The following SYTL2 variants were observed in gnomAD, a reference collection of about 807,000 sequenced individuals.
SYTL2 encodes the protein synaptotagmin-like protein 2.
A neutral mutation model predicts 198.7 loss-of-function variants in SYTL2; 165 were observed. The ratio of observed to expected loss-of-function variants is 0.83; its 90% confidence interval spans 0.73 to 0.94. The LOEUF is 0.94. Ranked by LOEUF, SYTL2 falls within the 40% of genes least tolerant of loss-of-function variation. The pLI is 0.00. For synonymous variants in SYTL2, 966 were observed against 917.7 expected (o/e 1.05, Z -0.95); for missense variants, 2,835 against 2,582.8 (o/e 1.10, Z -2.12).
intron 1 of SYTL2, among the ~76,000 whole-genome samples, chr11:85,787,103 G>C (rs923445350): frequency 6.6e-6 from 1 of 152,200 alleles, no homozygotes; most frequent in African/African-American, 2.4e-5. Flanking sequence ...GGCCTGGGGA[G>C]AGGATCCGAG....
In SYTL2 at chr11:85,711,492, T is replaced by C. The variant is rs192790627; in HGVS notation, c.5626-260A>G. Among the ~76,000 whole-genome samples the C allele has an allele frequency of 3.2e-4, 49 of 152,314 alleles. 1 individual carries two copies. The highest frequency in any genetic ancestry group is 1.7e-3 in the East Asian group (9 of 5,188). ...ACCTACAAAGTAGTCTTTCCCAAAG[T>C]GCTGCAGAAGACAGCACTATTGTGA... On this transcript the variant is annotated intron_variant, in intron 12 of 19. Transcript: ENST00000359152.
At chr11:85,751,089 A>G (rs2091482941) in intron 2 of SYTL2, among the ~76,000 whole-genome samples, 1 of 152,168 alleles carries the variant, frequency 6.6e-6, no homozygotes, top group African/African-American at 2.4e-5. Flanking sequence ...TGGTCCCTAC[A>G]AAGGCTGATA....
intron 1 of SYTL2, among the ~76,000 whole-genome samples, chr11:85,777,516 G>C (rs1051093438): frequency 2.6e-5 from 4 of 152,086 alleles, no homozygotes; most frequent in Admixed American, 2.6e-4. Flanking sequence ...GAGGCACGAA[G>C]GGAGAGGAGG....
intron 5 of SYTL2, 46 bp downstream of exon 5, chr11:85,737,529 G>T: frequency 1.4e-6 from 2 of 1,455,632 alleles, no homozygotes; most frequent in Non-Finnish European, 9.6e-7. Context: ...AGGAAAAATG[G>T]CATTCCTAAC....
intron 1 of SYTL2, among the ~76,000 whole-genome samples, chr11:85,780,855 G>A (rs1290902519): frequency 1.3e-5 from 2 of 152,218 alleles, no homozygotes; most frequent in Non-Finnish European, 2.9e-5. Flanking sequence ...CTGAATTAGG[G>A]ACAGTCTTGT....
intron 1 of SYTL2, among the ~76,000 whole-genome samples, chr11:85,796,824 AC>A (rs1198741910): frequency 6.6e-6 from 1 of 152,228 alleles, no homozygotes; most frequent in Admixed American, 6.5e-5. Context: ...ACTGATATAT[AC>A]TTTTAAATAA....
chr11:85,700,649 G>T, intron 16 of SYTL2, 56 bp from the exon 17 acceptor site: 1 of 1,300,016 alleles, frequency 7.7e-7, no homozygotes, highest in Non-Finnish European at 1.1e-6. Context: ...CCTGTTTGTT[G>T]GTATAGGTCT....
intron 1 of SYTL2, among the ~76,000 whole-genome samples, chr11:85,768,388 T>C (rs1001729742): frequency 3.9e-5 from 6 of 152,266 alleles, no homozygotes; most frequent in Non-Finnish European, 8.8e-5. Context: ...ATTAGTTCTT[T>C]GGCAGTTTCC....
intron 3 of SYTL2, among the ~76,000 whole-genome samples, 188 bp from the exon 4 acceptor site, chr11:85,745,960 T>C (rs541287198): frequency 6.6e-6 from 1 of 152,052 alleles, no homozygotes; most frequent in Non-Finnish European, 1.5e-5. Context: ...TCCCACGACA[T>C]TAGATTTCCC....
intron 1 of SYTL2, among the ~76,000 whole-genome samples, chr11:85,775,072 G>A (rs1017369423): frequency 1.3e-5 from 2 of 152,034 alleles, no homozygotes; most frequent in Non-Finnish European, 2.9e-5. Context: ...GGGAGAAAGA[G>A]ATGAATAGGC....
intron 1 of SYTL2, among the ~76,000 whole-genome samples, chr11:85,774,464 G>C (rs572968682): frequency 6.6e-6 from 1 of 152,154 alleles, no homozygotes. Flanking sequence ...TGGAAGAAAA[G>C]GCCAGGTACA....
At chr11:85,731,115 T>C (rs1042278177) in intron 7 of SYTL2, among the ~76,000 whole-genome samples, 5 of 152,180 alleles carry the variant, frequency 3.3e-5, no homozygotes, top group African/African-American at 1.2e-4. Context: ...AAACATTCCA[T>C]GCTCATGGAT....
At chr11:85,728,932 T>C (rs2089519494) in intron 7 of SYTL2, among the ~76,000 whole-genome samples, 1 of 152,208 alleles carries the variant, frequency 6.6e-6, no homozygotes, top group African/African-American at 2.4e-5. Flanking sequence ...CTAGTGATTG[T>C]TCTGCATACT....
chr11:85,724,773 T>C lies in SYTL2; in HGVS notation c.4585A>G (p.Ile1529Val). 2 of 1,613,120 alleles carry C rather than the reference T, an allele frequency of 1.2e-6. No individual in the cohort carries two copies. Among genetic ancestry groups the C allele is most frequent in the Non-Finnish European group, 1.7e-6 (2 of 1,179,718 alleles). The change falls in exon 8 of 20, where the codon ATA (isoleucine) becomes GTA (valine). Residue 1529 changes from isoleucine (I) to valine (V), a missense_variant. Around this residue, in one of 3 missense-constraint regions of SYTL2, gnomAD observed 2,645 missense variants for 2,381.7 expected, o/e 1.11. Transcript: ENST00000359152. ...DTGNLSPSKLIGSTEEPRRAT... is the reference protein window; with the variant it reads ...DTGNLSPSKLVGSTEEPRRAT... ...CGCCTGGGCTCCTCTGTACTACCTA[T>C]TAACTTTGATGGAGAAAGATTCCCT...
Position 85,737,540 on chromosome 11 carries a change from A to G in SYTL2, c.471+35T>C, listed in dbSNP as rs1254871359. On this transcript the variant is annotated intron_variant, in intron 5 of 19. Coordinates refer to ENST00000359152, the MANE Select transcript of SYTL2 (RefSeq NM_206927.4). ...AATGAGGAAAAATGGCATTCCTAAC[A>G]AATACAAGATTTTCAAAATCTGGGC... is the stretch of plus-strand genomic sequence containing the variant. 1.9e-6 allele frequency: 3 copies of G among 1,551,152 alleles called. No individual in the cohort carries two copies. In the East Asian group the frequency reaches 6.7e-5, roughly 35 times the overall value.
chr11:85,700,603 G>C lies in SYTL2; in HGVS notation c.6190-10C>G. The C allele has an allele frequency of 6.2e-7, 1 of 1,612,210 alleles. No homozygotes were observed. Among genetic ancestry groups the C allele is most frequent in the African/African-American group, 1.3e-5 (1 of 75,018 alleles). Reference sequence around the variant, plus strand: ...GGGCAACTGGTGCTGTCTGAAAAGTGAAGAAATGTCAGCAGGTGGGAGACA... The same window carrying C: ...GGGCAACTGGTGCTGTCTGAAAAGTCAAGAAATGTCAGCAGGTGGGAGACA... On this transcript the variant is annotated splice_polypyrimidine_tract_variant and intron_variant, in intron 16 of 19. Transcript: ENST00000359152.
At chr11:85,737,495 A>G in intron 5 of SYTL2, 80 bp downstream of exon 5, 2 of 1,130,898 alleles carry the variant, frequency 1.8e-6, no homozygotes, top group Non-Finnish European at 2.6e-6. Context: ...AATTCTCTTT[A>G]TTTTGTGGTG....
rs2083158943 is a variant in SYTL2 at position 85,694,457 on chromosome 11, C to T, written c.*738G>A. 6.6e-6 allele frequency: 1 copy of T among 152,076 alleles called. No homozygotes were observed. The highest frequency in any genetic ancestry group is 2.1e-4 in the South Asian group (1 of 4,824). 9.4% of individuals were successfully genotyped at this position (152,076 alleles called of 1,614,324 possible). ...TCATATAGTAAAGTTATAAGAAAAA[C>T]AATCATATATATGCAGGGTTTTAAA... is the stretch of plus-strand genomic sequence containing the variant. On this transcript the variant is annotated 3_prime_UTR_variant, in exon 20 of 20. Transcript: ENST00000359152.
chr11:85,831,097 A>C, the SYTL2 span, among the ~76,000 whole-genome samples: 1 of 152,320 alleles, frequency 6.6e-6, no homozygotes, highest in African/African-American at 2.4e-5. Context: ...ATAAATAATA[A>C]AGATTGTTGC....
Sources: allele counts gnomAD v4.1 joint callset (sites outside exome capture counted in the v4.1 genomes callset), GRCh38; gene constraint gnomAD v4.1.1; regional missense constraint gnomAD v4.1.1; transcripts MANE v1.5; gene names NCBI Gene and HGNC (gene_info 2026-07-23, HGNC 2026-07-21).